LYPD6: variants seen among roughly 807,000 people sequenced by gnomAD.
LYPD6 encodes ly6/PLAUR domain-containing protein 6.
In LYPD6, 15 loss-of-function variants were observed where a neutral mutation model predicts 22.7. That is an observed-to-expected ratio of 0.66 (90% CI 0.44 to 1.02). LYPD6 has a LOEUF of 1.02. Ranked by LOEUF, LYPD6 falls within the 50% of genes least tolerant of loss-of-function variation. The pLI is 0.00. For synonymous variants in LYPD6, 72 were observed against 77.5 expected, an observed-to-expected ratio of 0.93 and a Z score of 0.37; for missense variants, 189 against 208.4, an observed-to-expected ratio of 0.91 and a Z score of 0.57.
rs1002331603 is a variant in LYPD6 at position 149,468,542 on chromosome 2, A to G, written c.218-103A>G. Reference sequence around the variant, plus strand: ...CAAAGCAGTGCACATCTTATGTGCTATTAGCTCTTTTCTGGAATGATAATG... The same window carrying G: ...CAAAGCAGTGCACATCTTATGTGCTGTTAGCTCTTTTCTGGAATGATAATG... On this transcript the variant is annotated intron_variant, in intron 3 of 4. Coordinates refer to ENST00000334166, the MANE Select transcript of LYPD6 (RefSeq NM_194317.5). The G allele has an allele frequency of 9.0e-6, 12 of 1,328,714 alleles. No homozygotes were observed. The Middle Eastern group carries it at 7.8e-4, about 86-fold the overall frequency. 82.3% of individuals were successfully genotyped at this position (1,328,714 alleles called of 1,614,324 possible). A position where few individuals can be genotyped will look rare whatever the true frequency, so the allele number is the denominator to read the frequency against.
At chr2:149,368,883 T>G (rs552052272) in intron 1 of LYPD6, among the ~76,000 whole-genome samples, 1 of 152,300 alleles carries the variant, frequency 6.6e-6, no homozygotes, top group South Asian at 2.1e-4. Flanking sequence ...GATTTCTGAC[T>G]TTAGTGACTG....
intron 1 of LYPD6, among the ~76,000 whole-genome samples, chr2:149,354,368 C>T (rs7604875): frequency 0.013 from 1,959 of 152,094 alleles, 35 homozygotes; most frequent in African/African-American, 0.042. Context: ...CCACCACACC[C>T]GGCTAATTTT....
chr2:149,436,203 A>T (rs935287543), intron 1 of LYPD6, among the ~76,000 whole-genome samples: 1 of 152,184 alleles, frequency 6.6e-6, no homozygotes, highest in African/African-American at 2.4e-5. Flanking sequence ...TTCCTTGCCT[A>T]TGTATTTTTA....
At chr2:149,358,322 G>C (rs1403281809) in intron 1 of LYPD6, among the ~76,000 whole-genome samples, 1 of 152,092 alleles carries the variant, frequency 6.6e-6, no homozygotes, top group African/African-American at 2.4e-5. Context: ...TACTAGGGAC[G>C]TATAGACAAG....
At chr2:149,396,870 G>A (rs1416213002) in intron 1 of LYPD6, among the ~76,000 whole-genome samples, 1 of 151,982 alleles carries the variant, frequency 6.6e-6, no homozygotes, top group Non-Finnish European at 1.5e-5. Context: ...AGTAGCTGTG[G>A]GACACTGGTT....
the LYPD6 span, among the ~76,000 whole-genome samples, chr2:149,483,977 C>CA: frequency 6.6e-6 from 1 of 152,204 alleles, no homozygotes; most frequent in African/African-American, 2.4e-5. Context: ...GTTCAGCCAC[C>CA]AAAAAGCGAA....
In LYPD6 at chr2:149,451,157, G is replaced by A. The variant is rs7581827; in HGVS notation, c.217+2010G>A. 7.6e-3 allele frequency among the ~76,000 whole-genome samples: 1,158 copies of A among 152,268 alleles called. 14 individuals carry two copies. Among genetic ancestry groups the A allele is most frequent in the African/African-American group, 0.026 (1,081 of 41,534 alleles). ...CAAGGTGCCGGCAGGTTCTAGAAGG[G>A]CATAGACTCTCTGCTTTCAAGGTGA... On this transcript the variant is annotated intron_variant, in intron 3 of 4. Transcript: ENST00000334166.
chr2:149,444,527 G>A (rs1683639828), intron 2 of LYPD6, among the ~76,000 whole-genome samples: 1 of 152,134 alleles, frequency 6.6e-6, no homozygotes, highest in South Asian at 2.1e-4. Context: ...TTTCAAACTT[G>A]GAATTAATCT....
intron 1 of LYPD6, among the ~76,000 whole-genome samples, chr2:149,436,614 T>G (rs1683436555): frequency 6.6e-6 from 1 of 152,140 alleles, no homozygotes; most frequent in African/African-American, 2.4e-5. Context: ...AGTTTCACTC[T>G]TGTTGCCCAG....
At chr2:149,344,468 A>G (rs1325165160) in intron 1 of LYPD6, among the ~76,000 whole-genome samples, 5 of 152,218 alleles carry the variant, frequency 3.3e-5, no homozygotes, top group Non-Finnish European at 7.3e-5. Flanking sequence ...TATTTCAGAA[A>G]AGAATAATTT....
chr2:149,465,440 A>G (rs552846717), intron 3 of LYPD6, among the ~76,000 whole-genome samples: 80 of 152,290 alleles, frequency 5.3e-4, no homozygotes, highest in Non-Finnish European at 1.0e-3. Flanking sequence ...ATAATTCGTA[A>G]TATTACTATT....
At chr2:149,339,411 A>G (rs907219900) in intron 1 of LYPD6, among the ~76,000 whole-genome samples, 1 of 152,194 alleles carries the variant, frequency 6.6e-6, no homozygotes, top group Non-Finnish European at 1.5e-5. Flanking sequence ...AAGGTCTCAT[A>G]GGGATGTGCC....
chr2:149,476,072 C>G (rs1034046947), downstream of LYPD6, among the ~76,000 whole-genome samples: 5 of 152,166 alleles, frequency 3.3e-5, no homozygotes, highest in Admixed American at 2.6e-4. Flanking sequence ...GAAAAGAACC[C>G]TGGAGAACTC....
chr2:149,344,099 C>T (rs918324108), intron 1 of LYPD6, among the ~76,000 whole-genome samples: 1 of 152,166 alleles, frequency 6.6e-6, no homozygotes, highest in African/African-American at 2.4e-5. Context: ...ATTGGACTAT[C>T]TGGTGTCTGA....
chr2:149,396,579 C>T (rs758291404), intron 1 of LYPD6, among the ~76,000 whole-genome samples: 25 of 152,168 alleles, frequency 1.6e-4, no homozygotes, highest in Non-Finnish European at 3.1e-4. Context: ...TTCCCCTCCC[C>T]TGTCCCTGGA....
chr2:149,332,476 A>G (rs1349948685), intron 1 of LYPD6, among the ~76,000 whole-genome samples: 2 of 152,224 alleles, frequency 1.3e-5, no homozygotes, highest in African/African-American at 4.8e-5. Context: ...GTGTTGTATC[A>G]TACTGGATAG....
intron 1 of LYPD6, among the ~76,000 whole-genome samples, chr2:149,392,958 A>G (rs1222029002): frequency 3.9e-5 from 6 of 152,206 alleles, no homozygotes; most frequent in Admixed American, 2.6e-4. Flanking sequence ...ACTGGGAAGC[A>G]GAGGATGCAG....
In LYPD6 at chr2:149,454,301, A is replaced by G. The variant is rs561382736; in HGVS notation, c.217+5154A>G. ...CAGAGGCTGCTAGGGTGCCCCAGTCATTATACTCCATCCCCAAAGGTAACA... is the reference window on the plus strand; with the variant it reads ...CAGAGGCTGCTAGGGTGCCCCAGTCGTTATACTCCATCCCCAAAGGTAACA... On this transcript the variant is annotated intron_variant, in intron 3 of 4. Coordinates refer to ENST00000334166, the MANE Select transcript of LYPD6 (RefSeq NM_194317.5). Among the ~76,000 whole-genome samples, 3 of 152,290 alleles carry G rather than the reference A, an allele frequency of 2.0e-5. 1 individual carries two copies. Among genetic ancestry groups the G allele is most frequent in the Admixed American group, 2.0e-4 (3 of 15,292 alleles).
intron 1 of LYPD6, among the ~76,000 whole-genome samples, chr2:149,407,249 C>T (rs546841670): frequency 6.6e-6 from 1 of 152,220 alleles, no homozygotes; most frequent in East Asian, 1.9e-4. Context: ...TTGTGGCGTT[C>T]TCTGTATTTC....
Sources: gnomAD v4.1 joint callset for allele counts (sites outside exome capture counted in the v4.1 genomes callset) on GRCh38, gnomAD v4.1.1 for gene constraint, MANE v1.5 for transcripts, NCBI Gene and HGNC (gene_info 2026-07-23, HGNC 2026-07-21) for gene names.